The following CDON variants were observed in gnomAD, a reference collection of about 807,000 sequenced individuals.
The protein encoded by CDON is cell adhesion associated, oncogene regulated, also known as cell adhesion molecule-related/down-regulated by oncogenes.
In CDON, 73 loss-of-function variants were observed where a neutral mutation model predicts 120.9. The observed-to-expected ratio is 0.60, with a 90% CI of 0.50 to 0.73. CDON has a LOEUF of 0.73. Among genes scored for constraint, CDON ranks in the 30% least tolerant of loss-of-function variants. The pLI is 0.00. For synonymous variants in CDON, 566 were observed against 573.5 expected, an observed-to-expected ratio of 0.99 and a Z score of 0.19; for missense variants, 1,470 against 1,587.3, an observed-to-expected ratio of 0.93 and a Z score of 1.26.
chr11:125,981,963 C>CTTTTTTTTTTTT lies in CDON; in HGVS notation c.2996-635_2996-634insAAAAAAAAAAAA, dbSNP rs1565501813. ...GGAGTACCAAAGGCAAAAAGTGATT[C>CTTTTTTTTTTTT]TATTTTCTTTTTTTTTTTTTTTTTT... On this transcript the variant is annotated intron_variant, in intron 16 of 19. Coordinates refer to ENST00000531738, the MANE Select transcript of CDON (RefSeq NM_001378964.1). Among the ~76,000 whole-genome samples, 44 of 34,142 alleles carry CTTTTTTTTTTTT rather than the reference C, an allele frequency of 1.3e-3. 5 individuals carry two copies. Among genetic ancestry groups the CTTTTTTTTTTTT allele is most frequent in the Admixed American group, 5.4e-3 (15 of 2,788 alleles). 22.4% of individuals were successfully genotyped at this position (34,142 alleles called of 152,430 possible). A position where few individuals can be genotyped will look rare whatever the true frequency, so the allele number is the denominator to read the frequency against.
chr11:126,019,991 G>A (rs1391382441), intron 3 of CDON, among the ~76,000 whole-genome samples: 2 of 147,700 alleles, frequency 1.4e-5, no homozygotes, highest in Non-Finnish European at 3.0e-5. Context: ...AGGCTGTGAT[G>A]AGCCAAGCAG....
intron 4 of CDON, 132 bp downstream of exon 4, chr11:126,019,487 C>T (rs1591393350): frequency 1.1e-6 from 1 of 923,726 alleles, no homozygotes. Context: ...ATATTGTAAC[C>T]ATTTGTTTTA....
intron 1 of CDON, among the ~76,000 whole-genome samples, chr11:126,060,166 C>T (rs1948763019): frequency 1.3e-5 from 2 of 152,078 alleles, no homozygotes; most frequent in South Asian, 4.2e-4. Context: ...TTCTCAAATT[C>T]AAGTTCACGA....
chr11:126,022,575 A>G (rs1947673610), intron 2 of CDON, among the ~76,000 whole-genome samples: 1 of 152,216 alleles, frequency 6.6e-6, no homozygotes, highest in Admixed American at 6.5e-5. Context: ...TCTAGAATAA[A>G]ATACTTAAGA....
At chr11:125,980,567 G>A (rs894141611) in intron 17 of CDON, among the ~76,000 whole-genome samples, 13 of 152,062 alleles carry the variant, frequency 8.5e-5, no homozygotes, top group African/African-American at 2.9e-4. Context: ...GCAACACTGC[G>A]CCCTCAGTCC....
chr11:126,063,017 C>T (rs922609496), upstream of CDON, among the ~76,000 whole-genome samples: 1 of 151,776 alleles, frequency 6.6e-6, no homozygotes, highest in African/African-American at 2.4e-5. Flanking sequence ...CCGCTGTGCC[C>T]CGCCGGCCCG....
In CDON at chr11:126,029,958, T is replaced by C. The variant is rs566290643; in HGVS notation, c.-61-6421A>G. Among the ~76,000 whole-genome samples the C allele has an allele frequency of 1.2e-4, 18 of 152,312 alleles. No homozygotes were observed. The South Asian group carries it at 3.5e-3, about 30-fold the overall frequency. On this transcript the variant is annotated intron_variant, in intron 1 of 19. Coordinates refer to ENST00000531738, the MANE Select transcript of CDON (RefSeq NM_001378964.1). ...ACCATCTACAAAGCAGGACAACTTATTGCTCAATGCTGTAAAAATCTCTGG... is the reference window on the plus strand; with the variant it reads ...ACCATCTACAAAGCAGGACAACTTACTGCTCAATGCTGTAAAAATCTCTGG...
In CDON at chr11:125,961,019, C is replaced by A; in HGVS notation, c.3718G>T (p.Glu1240Ter). 1.2e-6 allele frequency: 2 copies of A among 1,614,102 alleles called. No homozygotes were observed. Among genetic ancestry groups the A allele is most frequent in the African/African-American group, 1.3e-5 (1 of 75,054 alleles). Residue 1240 changes from glutamate (E) to a stop codon, truncating the protein, a stop_gained, in exon 20 of 20, where the codon GAG becomes TAG. Coordinates refer to ENST00000531738, the MANE Select transcript of CDON (RefSeq NM_001378964.1). LOFTEE classifies it high-confidence loss of function. ...ILPPVPEGCA[E>*]KTMWSPPGIP... ...CCAGGTGGAGACCACATTGTCTTCTCAGCACAGCCCTCGGGGACAGGTGGC... is the reference window on the plus strand; with the variant it reads ...CCAGGTGGAGACCACATTGTCTTCTAAGCACAGCCCTCGGGGACAGGTGGC...
At chr11:125,990,536 A>C (rs1033062937) in intron 14 of CDON, among the ~76,000 whole-genome samples, 3 of 152,228 alleles carry the variant, frequency 2.0e-5, no homozygotes, top group African/African-American at 7.2e-5. Context: ...CACTTTTGCC[A>C]GATTAAATTA....
chr11:126,006,026 T>A lies in CDON; in HGVS notation c.1584A>T (p.Thr528=). 6.2e-7 allele frequency: 1 copy of A among 1,614,104 alleles called. No individual in the cohort carries two copies. Among genetic ancestry groups the A allele is most frequent in the Admixed American group, 1.7e-5 (1 of 60,026 alleles). ...VPFETNTKAE[T]VTLPDAAQND... is the part of the protein sequence containing the mutation. ...TCTGAGCAGCATCAGGAAGTGTGACTGTCTCTGCTTTTGTATTTGTTTCAA... is the reference window on the plus strand; with the variant it reads ...TCTGAGCAGCATCAGGAAGTGTGACAGTCTCTGCTTTTGTATTTGTTTCAA... The change falls in exon 9 of 20, where the codon ACA becomes ACT. Residue 528 remains threonine (T), a synonymous_variant. Transcript: ENST00000531738.
In CDON at chr11:126,023,448, G is replaced by A. The variant is rs111293074; in HGVS notation, c.29C>T (p.Thr10Ile). 1.2e-6 allele frequency: 2 copies of A among 1,613,164 alleles called. 1 individual carries two copies. Among genetic ancestry groups the A allele is most frequent in the Admixed American group, 3.3e-5 (2 of 60,000 alleles). MHPDLGPLC[T>I]LLYVTLTILC... ...AATTGTAAGAGTAACATACAGCAGT[G>A]TACATAAGGGTCCAAGATCCGGATG... The change falls in exon 2 of 20, where the codon ACA becomes ATA. Residue 10 changes from threonine to isoleucine, a missense_variant. By Grantham distance (89) the Thr-to-Ile change is moderately conservative. Transcript: ENST00000531738.
At chr11:126,035,715 A>C (rs1458916656) in intron 1 of CDON, among the ~76,000 whole-genome samples, 1 of 152,218 alleles carries the variant, frequency 6.6e-6, no homozygotes, top group Non-Finnish European at 1.5e-5. Context: ...GCACCCTTGA[A>C]AACTCAAAAT....
intron 1 of CDON, among the ~76,000 whole-genome samples, chr11:126,044,342 G>A (rs1270684120): frequency 6.6e-6 from 1 of 152,152 alleles, no homozygotes; most frequent in African/African-American, 2.4e-5. Flanking sequence ...CAAATTCACT[G>A]TTAACAGACT....
chr11:126,028,851 T>C (rs1357546387), intron 1 of CDON, among the ~76,000 whole-genome samples: 8 of 151,812 alleles, frequency 5.3e-5, no homozygotes, highest in African/African-American at 1.9e-4. Flanking sequence ...ATATATATGT[T>C]ACTTTTTTGC....
chr11:125,984,177 A>G, intron 15 of CDON, 84 bp from the exon 16 acceptor site: 1 of 926,010 alleles, frequency 1.1e-6, no homozygotes, highest in South Asian at 1.4e-5. Flanking sequence ...AGGTCTGGTT[A>G]GGAATGCAAG....
intron 2 of CDON, among the ~76,000 whole-genome samples, chr11:126,021,851 A>C (rs1476564280): frequency 6.6e-6 from 1 of 152,096 alleles, no homozygotes; most frequent in Non-Finnish European, 1.5e-5. Flanking sequence ...CGCCTATAAT[A>C]CCAGCACTTT....
intron 8 of CDON, among the ~76,000 whole-genome samples, chr11:126,007,588 C>A (rs7950908): frequency 1.8e-3 from 280 of 152,212 alleles, no homozygotes; most frequent in African/African-American, 6.5e-3. Context: ...ATCCTCCGGG[C>A]AGTTTTCCAC....
intron 1 of CDON, among the ~76,000 whole-genome samples, chr11:126,025,117 A>T (rs1263803559): frequency 2.0e-5 from 3 of 152,192 alleles, no homozygotes; most frequent in Non-Finnish European, 4.4e-5. Flanking sequence ...AGGCAGGACA[A>T]TCGCTTGAAC....
intron 10 of CDON, among the ~76,000 whole-genome samples, 181 bp downstream of exon 10, chr11:126,003,721 G>A (rs1367661182): frequency 6.6e-6 from 1 of 152,182 alleles, no homozygotes; most frequent in African/African-American, 2.4e-5. Context: ...TCGGGAGGCT[G>A]AGGCCGGAGA....
Sources: allele counts gnomAD v4.1 joint callset (sites outside exome capture counted in the v4.1 genomes callset), GRCh38; gene constraint gnomAD v4.1.1; transcripts MANE v1.5; gene names NCBI Gene and HGNC (gene_info 2026-07-23, HGNC 2026-07-21).